ESR2: variants seen among roughly 807,000 people sequenced by gnomAD.
The protein encoded by ESR2 is estrogen receptor 2, also known as estrogen receptor beta.
In ESR2, 36 loss-of-function variants were observed where a neutral mutation model predicts 49.6. That is an observed-to-expected ratio of 0.73 (90% CI 0.56 to 0.96). The LOEUF is 0.96. Ranked by LOEUF, ESR2 falls within the 40% of genes least tolerant of loss-of-function variation. The pLI is 0.00. For missense variants in ESR2, 714 were observed against 693.0 expected (o/e 1.03, Z -0.34); for synonymous variants, 320 against 266.1 (o/e 1.20, Z -1.97).
At chr14:64,241,522 A>G (rs1273502003) in intron 7 of ESR2, among the ~76,000 whole-genome samples, 1 of 152,224 alleles carries the variant, frequency 6.6e-6, no homozygotes, top group African/African-American at 2.4e-5. Context: ...GTTTGAATCT[A>G]TAGATTGAAA....
intron 5 of ESR2, 54 bp from the exon 6 acceptor site, chr14:64,257,418 G>C (rs1018030866): frequency 5.6e-6 from 9 of 1,603,586 alleles, no homozygotes; most frequent in Non-Finnish European, 7.7e-6. Flanking sequence ...TCAGCTCCCT[G>C]TGTGTGTAGA....
chr14:64,233,497 A>G, intron 8 of ESR2, 174 bp from the exon 9 acceptor site: 2 of 608,814 alleles, frequency 3.3e-6, no homozygotes, highest in Admixed American at 5.8e-5. Flanking sequence ...ATTTAGGCTC[A>G]AGGGCAAGGA....
intron 1 of ESR2, among the ~76,000 whole-genome samples, chr14:64,318,537 C>CAAAAAAAA (rs58597271): frequency 0.015 from 494 of 32,420 alleles, 30 homozygotes; most frequent in Non-Finnish European, 0.022. Context: ...AACTCCATCT[C>CAAAAAAAA]AAAAAAAAAA....
At chr14:64,295,830 G>A (rs2076948749), upstream of ESR2, among the ~76,000 whole-genome samples, 3 of 152,180 alleles carry the variant, frequency 2.0e-5, no homozygotes, top group South Asian at 6.2e-4. Flanking sequence ...TGGATCACGA[G>A]GTCAGGAGTT....
chr14:64,337,118 T>C lies in ESR2; in HGVS notation c.-91+780A>G, dbSNP rs557311974. Among the ~76,000 whole-genome samples, 7 of 152,290 alleles carry C rather than the reference T, an allele frequency of 4.6e-5. No homozygotes were observed. The South Asian group carries it at 1.5e-3, about 32-fold the overall frequency. ...TTGGCACAGAGTGGCACTCAATAAT[T>C]ATTTGCTCAGTAAATGAATGGCTTG... On this transcript the variant is annotated intron_variant, in intron 1 of 8. Coordinates refer to the ESR2 transcript ENST00000358599.
intron 1 of ESR2, among the ~76,000 whole-genome samples, chr14:64,321,404 T>C (rs377548305): frequency 9.9e-5 from 15 of 152,272 alleles, no homozygotes; most frequent in African/African-American, 3.4e-4. Flanking sequence ...CTAAAAATCA[T>C]TGAATTGTAG....
At position 64,231,567 on chromosome 14, in the gene ESR2, A is replaced by C. The variant is rs1255974004; in HGVS notation, c.*1570T>G. The C allele has an allele frequency of 6.6e-6, 1 of 152,198 alleles. No individual in the cohort carries two copies. Among genetic ancestry groups the C allele is most frequent in the Admixed American group, 6.5e-5 (1 of 15,284 alleles). The allele number at this position is 152,198 out of a possible 1,614,324, so 9.4% of individuals were successfully genotyped here. On this transcript the variant is annotated 3_prime_UTR_variant, in exon 9 of 9. Transcript: ENST00000341099. ...TATAGTAAAATTGCACCAATATCAA[A>C]ATTATGGATTATTCGAGGTCTTACT...
upstream of ESR2, among the ~76,000 whole-genome samples, chr14:64,297,146 T>C (rs1287607089): frequency 6.6e-6 from 1 of 152,210 alleles, no homozygotes; most frequent in East Asian, 1.9e-4. Context: ...AAGGACTGCC[T>C]GTCTCCAAAA....
intron 6 of ESR2, among the ~76,000 whole-genome samples, chr14:64,249,920 A>C (rs2075956456): frequency 6.6e-6 from 1 of 152,208 alleles, no homozygotes. Flanking sequence ...TATATGAATA[A>C]ATATTATTTA....
intron 7 of ESR2, 146 bp downstream of exon 7, chr14:64,249,400 G>A (rs761369384): frequency 3.0e-5 from 25 of 844,932 alleles, no homozygotes; most frequent in Middle Eastern, 2.8e-4. Context: ...AGTTTAAATC[G>A]CTATCAAAAT....
At chr14:64,248,207 A>C (rs1349210306) in intron 7 of ESR2, among the ~76,000 whole-genome samples, 1 of 151,956 alleles carries the variant, frequency 6.6e-6, no homozygotes, top group Non-Finnish European at 1.5e-5. Flanking sequence ...AAGAAAAGTG[A>C]AAAAACAAGA....
chr14:64,315,506 G>A lies in ESR2; in HGVS notation c.-91+22392C>T, dbSNP rs569252218. On this transcript the variant is annotated intron_variant, in intron 1 of 8. Coordinates refer to the ESR2 transcript ENST00000358599. ...ATTTATTTTTTTGAGACAGAGTCTC[G>A]CTCTGTTGCCCAGGCTGGAGTGCAG... Among the ~76,000 whole-genome samples the A allele has an allele frequency of 4.0e-5, 6 of 151,534 alleles. No homozygotes were observed. In the South Asian group the frequency reaches 6.3e-4, roughly 16 times the overall value.
intron 2 of ESR2, among the ~76,000 whole-genome samples, chr14:64,281,960 T>A (rs750467566): frequency 6.6e-6 from 1 of 152,230 alleles, no homozygotes; most frequent in Non-Finnish European, 1.5e-5. Flanking sequence ...GTCATGAACA[T>A]TAAATTGTGG....
At chr14:64,293,675 A>T (rs2076907688) in intron 1 of ESR2, among the ~76,000 whole-genome samples, 1 of 152,184 alleles carries the variant, frequency 6.6e-6, no homozygotes, top group Admixed American at 6.5e-5. Context: ...AGACGTGTAC[A>T]TCTTCCCAGG....
rs149887946 is a variant in ESR2 at position 64,271,450 on chromosome 14, C to T, written c.536-2539G>A. On this transcript the variant is annotated intron_variant, in intron 3 of 8. Transcript: ENST00000341099. ...AAGCAATTCTCCTGCCTCAGCCTCC[C>T]GAGTAGCTGGGACTACAGGCGCATG... 8.1e-3 allele frequency among the ~76,000 whole-genome samples: 1,226 copies of T among 152,278 alleles called. 24 individuals are homozygous for T. The highest frequency in any genetic ancestry group is 7.7e-3 in the Non-Finnish European group (521 of 68,020).
chr14:64,252,345 T>G (rs1232873560), intron 6 of ESR2, among the ~76,000 whole-genome samples: 1 of 151,448 alleles, frequency 6.6e-6, no homozygotes, highest in Non-Finnish European at 1.5e-5. Flanking sequence ...ACAGGGCATA[T>G]GATTTGAATG....
At chr14:64,324,546 C>T (rs1312325694) in intron 1 of ESR2, among the ~76,000 whole-genome samples, 1 of 152,060 alleles carries the variant, frequency 6.6e-6, no homozygotes, top group Non-Finnish European at 1.5e-5. Flanking sequence ...TCATTAAAAG[C>T]AATTTTTCCT....
At chr14:64,276,303 G>T (rs570965274) in intron 3 of ESR2, among the ~76,000 whole-genome samples, 1 of 151,964 alleles carries the variant, frequency 6.6e-6, no homozygotes, top group East Asian at 1.9e-4. Context: ...ATATAAAAAC[G>T]GGCAAAATCT....
intron 1 of ESR2, among the ~76,000 whole-genome samples, chr14:64,313,530 C>CA (rs60380584): frequency 0.55 from 59,257 of 107,138 alleles, 15,676 homozygotes; most frequent in East Asian, 0.71. Context: ...GAGGCTCTGT[C>CA]AAAAAAAAAA....
Sources: allele counts gnomAD v4.1 joint callset (sites outside exome capture counted in the v4.1 genomes callset), GRCh38; gene constraint gnomAD v4.1.1; transcripts MANE v1.5; gene names NCBI Gene and HGNC (gene_info 2026-07-23, HGNC 2026-07-21).